Variants in ST7L observed in about 807,000 individuals in gnomAD.
ST7L encodes the protein suppressor of tumorigenicity 7 protein-like.
In ST7L, 57 loss-of-function variants were observed where a neutral mutation model predicts 72.5. The observed-to-expected ratio is 0.79, with a 90% CI of 0.64 to 0.98. The LOEUF is 0.98. Among genes scored for constraint, ST7L ranks in the 50% least tolerant of loss-of-function variants. The pLI, the probability that ST7L is intolerant of heterozygous loss-of-function variation, is 0.00. For missense variants in ST7L, 576 were observed against 672.2 expected (o/e 0.86, Z 1.58); for synonymous variants, 221 against 240.9 (o/e 0.92, Z 0.77).
intron 11 of ST7L, among the ~76,000 whole-genome samples, chr1:112,557,776 A>C (rs546122695): frequency 9.9e-5 from 15 of 152,188 alleles, no homozygotes; most frequent in Non-Finnish European, 1.8e-4. Context: ...TAAACAAAGC[A>C]CAGGGCCATC....
At chr1:112,526,177 A>G (rs1653346705) in intron 14 of ST7L, 66 bp from the exon 15 acceptor site, 1 of 1,605,814 alleles carries the variant, frequency 6.2e-7, no homozygotes. Context: ...CCAAGAGAGT[A>G]TATCTGAGCA....
At chr1:112,540,960 T>G in intron 14 of ST7L, 1 of 800,960 alleles carries the variant, frequency 1.2e-6, no homozygotes, top group Admixed American at 2.8e-5. Context: ...AATTTTACTT[T>G]GAGCCAGTGA....
Position 112,582,374 on chromosome 1 carries a change from C to T in ST7L, c.954+1G>A. ...AATAGTCCCATCATCAATTTACTTA[C>T]ATCTCTCATTATTTTTACTGCTTCT... is the stretch of plus-strand genomic sequence containing the variant. On this transcript the variant is annotated splice_donor_variant, in intron 8 of 14. Transcript: ENST00000358039. LOFTEE classifies it high-confidence loss of function. 6.3e-7 allele frequency: 1 copy of T among 1,595,228 alleles called. No homozygotes were observed. Among genetic ancestry groups the T allele is most frequent in the African/African-American group, 1.3e-5 (1 of 74,630 alleles).
intron 3 of ST7L, 30 bp downstream of exon 3, chr1:112,610,811 G>A: frequency 2.5e-6 from 4 of 1,609,948 alleles, no homozygotes; most frequent in Admixed American, 1.7e-5. Context: ...TAAATACACA[G>A]CTCTGAAAAC....
chr1:112,573,348 C>CAAAAAA (rs35107656), intron 11 of ST7L, among the ~76,000 whole-genome samples: 1 of 69,672 alleles, frequency 1.4e-5, no homozygotes, highest in Non-Finnish European at 2.7e-5. Context: ...AACTCCCTCT[C>CAAAAAA]AAAAAAAAAA....
chr1:112,606,666 TATC>T (rs1237124229), intron 3 of ST7L, among the ~76,000 whole-genome samples: 2 of 152,210 alleles, frequency 1.3e-5, no homozygotes, highest in Admixed American at 6.5e-5. Flanking sequence ...CATAACAAAG[TATC>T]ATATGCTGAG....
intron 5 of ST7L, among the ~76,000 whole-genome samples, chr1:112,594,752 T>C (rs1275877503): frequency 6.6e-6 from 1 of 152,170 alleles, no homozygotes; most frequent in Non-Finnish European, 1.5e-5. Flanking sequence ...AAAGTAAATA[T>C]GATTTCGTTG....
chr1:112,553,253 C>CACAG (rs1658537796), intron 12 of ST7L, among the ~76,000 whole-genome samples: 1 of 151,984 alleles, frequency 6.6e-6, no homozygotes, highest in Admixed American at 6.6e-5. Context: ...CACACACACA[C>CACAG]ACACACATAT....
At chr1:112,604,910 A>AC (rs1667972341) in intron 3 of ST7L, among the ~76,000 whole-genome samples, 1 of 144,616 alleles carries the variant, frequency 6.9e-6, no homozygotes, top group African/African-American at 2.6e-5. Context: ...ACATGGTGAA[A>AC]CCCCATCTCT....
intron 11 of ST7L, among the ~76,000 whole-genome samples, chr1:112,568,878 AT>A (rs1557993856): frequency 7.1e-5 from 10 of 140,914 alleles, no homozygotes; most frequent in Non-Finnish European, 1.4e-4. Context: ...ATATATATAT[AT>A]ATATATATAA....
intron 14 of ST7L, among the ~76,000 whole-genome samples, chr1:112,538,427 C>A (rs997980540): frequency 6.6e-6 from 1 of 152,150 alleles, no homozygotes; most frequent in African/African-American, 2.4e-5. Flanking sequence ...ACTGCAGCCT[C>A]CACCTCCCAG....
At chr1:112,583,504 G>T (rs1393939194) in intron 7 of ST7L, among the ~76,000 whole-genome samples, 4 of 152,112 alleles carry the variant, frequency 2.6e-5, no homozygotes, top group African/African-American at 9.7e-5. Flanking sequence ...TTGGATTTTG[G>T]GCTAAGAATC....
chr1:112,571,719 C>A (rs954256294), intron 11 of ST7L, among the ~76,000 whole-genome samples: 12 of 152,128 alleles, frequency 7.9e-5, no homozygotes, highest in Admixed American at 4.6e-4. Flanking sequence ...AGCCACCACG[C>A]CCAGCCTATA....
intron 3 of ST7L, among the ~76,000 whole-genome samples, chr1:112,603,440 T>G (rs1194888989): frequency 6.6e-6 from 1 of 152,166 alleles, no homozygotes; most frequent in African/African-American, 2.4e-5. Flanking sequence ...AAAGTTTTAG[T>G]GTAGTATCAA....
In ST7L at chr1:112,536,019, A is replaced by G. The variant is rs367937267; in HGVS notation, c.1629+5932T>C. Reference sequence around the variant, plus strand: ...CCAACAATGGAACAAATATGTAAACATTTAAAAATTTTGACCTGTCACACA... The same window carrying G: ...CCAACAATGGAACAAATATGTAAACGTTTAAAAATTTTGACCTGTCACACA... On this transcript the variant is annotated intron_variant, in intron 14 of 14. Coordinates refer to ENST00000358039, the MANE Select transcript of ST7L (RefSeq NM_017744.5). Among the ~76,000 whole-genome samples the G allele has an allele frequency of 9.8e-5, 15 of 152,334 alleles. No individual in the cohort carries two copies. The East Asian group carries it at 2.3e-3, about 23-fold the overall frequency.
intron 11 of ST7L, among the ~76,000 whole-genome samples, chr1:112,572,328 G>A (rs1662280933): frequency 6.6e-6 from 1 of 152,182 alleles, no homozygotes; most frequent in South Asian, 2.1e-4. Flanking sequence ...TAGCCCCTAA[G>A]AAGAGAGTCA....
intron 14 of ST7L, among the ~76,000 whole-genome samples, chr1:112,531,386 G>T (rs1274941719): frequency 6.6e-6 from 1 of 152,156 alleles, no homozygotes; most frequent in East Asian, 1.9e-4. Context: ...CTTACAAAAA[G>T]ATGAATTCCA....
intron 3 of ST7L, chr1:112,607,387 G>T (rs1570616754): frequency 6.6e-6 from 1 of 152,220 alleles, no homozygotes; most frequent in Non-Finnish European, 1.5e-5. Context: ...ATCATCTGAG[G>T]TCAGGGGTTT....
chr1:112,605,689 CAAA>C (rs533526835), intron 3 of ST7L, among the ~76,000 whole-genome samples: 1 of 142,776 alleles, frequency 7.0e-6, no homozygotes. Flanking sequence ...GACTCTGTCT[CAAA>C]AAAAAAAAAG....
Sources: gnomAD v4.1 joint callset for allele counts (sites outside exome capture counted in the v4.1 genomes callset) on GRCh38, gnomAD v4.1.1 for gene constraint, MANE v1.5 for transcripts, NCBI Gene and HGNC (gene_info 2026-07-23, HGNC 2026-07-21) for gene names.